NUP42: variants seen among roughly 807,000 people sequenced by gnomAD.
The protein encoded by NUP42 is nucleoporin NUP42.
Under a neutral mutation model 35.9 loss-of-function variants are expected in NUP42, and 47 were observed. That is an observed-to-expected ratio of 1.31 (90% CI 1.04 to 1.67). NUP42 has a LOEUF of 1.67. NUP42 is among the 40% of genes most tolerant of loss of function. The pLI is 0.00. For synonymous variants in NUP42, 173 were observed against 173.3 expected, an observed-to-expected ratio of 1.00 and a Z score of 0.01; for missense variants, 514 against 492.2, an observed-to-expected ratio of 1.04 and a Z score of -0.42.
intron 1 of NUP42, 96 bp from the exon 2 acceptor site, chr7:23,184,974 C>T (rs1249079240): frequency 3.9e-6 from 4 of 1,022,330 alleles, no homozygotes; most frequent in Admixed American, 2.5e-5. Context: ...CCACTGTACT[C>T]CACCCTGGGC....
At position 23,185,227 on chromosome 7, in the gene NUP42, A is replaced by T; in HGVS notation, c.279A>T (p.Glu93Asp). 1 of 1,614,142 alleles carries T rather than the reference A, an allele frequency of 6.2e-7. No homozygotes were observed. Among genetic ancestry groups the T allele is most frequent in the Admixed American group, 1.7e-5 (1 of 60,010 alleles). ...FDSGASTNRKEGFGLSENPFA... is the reference protein window; with the variant it reads ...FDSGASTNRKDGFGLSENPFA... ...CTGGAGCTTCAACTAACAGGAAGGA[A>T]GGCTTTGGATTGTCTGAGAACCCAT... The change falls in exon 2 of 7, where the codon GAA becomes GAT. Residue 93 changes from glutamate to aspartate, a missense_variant. Physicochemically the swap from Glu to Asp is conservative, Grantham distance 45 (BLOSUM62 2). Coordinates refer to ENST00000258742, the MANE Select transcript of NUP42 (RefSeq NM_007342.3).
intron 3 of NUP42, among the ~76,000 whole-genome samples, chr7:23,192,836 G>A (rs1728323): frequency 0.053 from 8,108 of 152,224 alleles, 281 homozygotes; most frequent in South Asian, 0.1. Flanking sequence ...TGTTCTATGT[G>A]TGTATATATG....
chr7:23,186,626 T>C (rs1321196615), intron 2 of NUP42, among the ~76,000 whole-genome samples: 2 of 152,232 alleles, frequency 1.3e-5, no homozygotes, highest in Non-Finnish European at 2.9e-5. Context: ...AGTTAAATGA[T>C]TATTGATGTT....
At chr7:23,184,104 G>T (rs1177657283) in intron 1 of NUP42, among the ~76,000 whole-genome samples, 1 of 152,140 alleles carries the variant, frequency 6.6e-6, no homozygotes, top group Non-Finnish European at 1.5e-5. Context: ...AATATATAAA[G>T]AGAGGAGAGA....
intron 1 of NUP42, 155 bp downstream of exon 1, chr7:23,182,361 G>T (rs866191154): frequency 7.0e-7 from 1 of 1,435,816 alleles, no homozygotes; most frequent in Non-Finnish European, 9.1e-7. Flanking sequence ...TTTTTAAACC[G>T]AGGGTTTTAT....
chr7:23,182,339 C>T (rs1361087646), intron 1 of NUP42, 133 bp downstream of exon 1: 2 of 1,455,508 alleles, frequency 1.4e-6, no homozygotes, highest in East Asian at 2.5e-5. Context: ...CCCTACTGGG[C>T]CCTGCACAAC....
intron 3 of NUP42, among the ~76,000 whole-genome samples, chr7:23,189,614 C>G (rs1269576880): frequency 6.6e-6 from 1 of 151,068 alleles, no homozygotes. Context: ...GACCCTGTCT[C>G]TTTAAAAAAT....
chr7:23,189,091 T>C (rs1785701124), intron 3 of NUP42, among the ~76,000 whole-genome samples: 1 of 152,236 alleles, frequency 6.6e-6, no homozygotes, highest in Admixed American at 6.5e-5. Context: ...TGAACAATCT[T>C]GTGTAATTGT....
At position 23,200,291 on chromosome 7, in the gene NUP42, C is replaced by T. The variant is rs756767732; in HGVS notation, c.818C>T (p.Ala273Val). 1.9e-6 allele frequency: 3 copies of T among 1,602,616 alleles called. No individual in the cohort carries two copies. The highest frequency in any genetic ancestry group is 2.2e-5 in the South Asian group (2 of 89,686). Residue 273 changes from alanine to valine, a missense_variant, in exon 7 of 7, where the codon GCT (alanine) becomes GTT (valine). Transcript: ENST00000258742. ...TTTGGGAGTTCCCCAGCATTTGGAG[C>T]TGCAGCCTCTACCAGTTCAGGTATC... ...AGFGSSPAFGAAASTSSGIST... is the reference protein window; with the variant it reads ...AGFGSSPAFGVAASTSSGIST...
chr7:23,182,191 C>T lies in NUP42; in HGVS notation c.106C>T (p.Gln36Ter). The T allele has an allele frequency of 1.2e-6, 2 of 1,611,974 alleles. No homozygotes were observed. The highest frequency in any genetic ancestry group is 1.7e-6 in the Non-Finnish European group (2 of 1,179,032). The stretch of plus-strand genomic sequence containing the variant: ...TGCAGGAGGAGGACGGCAGCAACCG[C>T]AGCAGCAGCCTTCAGGTGACTCTCC... ...RGAGGGRQQP[Q>*]QQPSGNNRRG... Residue 36 changes from glutamine to a stop codon, truncating the protein, a stop_gained, in exon 1 of 7, where the codon CAG becomes TAG. Coordinates refer to ENST00000258742, the MANE Select transcript of NUP42 (RefSeq NM_007342.3). LOFTEE classifies it high-confidence loss of function.
At chr7:23,184,076 A>T (rs374555378) in intron 1 of NUP42, among the ~76,000 whole-genome samples, 7 of 152,308 alleles carry the variant, frequency 4.6e-5, no homozygotes, top group Admixed American at 3.9e-4. Flanking sequence ...AAATGATTTT[A>T]AAAAACAAAA....
At chr7:23,185,988 C>T (rs1249566381) in intron 2 of NUP42, among the ~76,000 whole-genome samples, 1 of 152,172 alleles carries the variant, frequency 6.6e-6, no homozygotes, top group African/African-American at 2.4e-5. Context: ...GATCTGCCTG[C>T]CTCAGCCTCC....
At chr7:23,192,700 G>T (rs1393995122) in intron 3 of NUP42, among the ~76,000 whole-genome samples, 2 of 152,142 alleles carry the variant, frequency 1.3e-5, no homozygotes, top group Non-Finnish European at 2.9e-5. Context: ...GCTGTCTCAG[G>T]AGTGGCAGAG....
chr7:23,188,354 T>C (rs1031163636), intron 3 of NUP42: 14 of 1,113,490 alleles, frequency 1.3e-5, no homozygotes, highest in Non-Finnish European at 1.4e-5. Context: ...TCTTACATTC[T>C]TGAGGGAGGA....
rs751562765 is a variant in NUP42 at position 23,200,280 on chromosome 7, A to G, written c.807A>G (p.Pro269=). 6.2e-7 allele frequency: 1 copy of G among 1,602,902 alleles called. No individual in the cohort carries two copies. The highest frequency in any genetic ancestry group is 8.5e-7 in the Non-Finnish European group (1 of 1,172,988). The change falls in exon 7 of 7, where the codon CCA becomes CCG. Residue 269 remains proline, a synonymous_variant. Transcript: ENST00000258742. ...SGSPAGFGSS[P]AFGAAASTSS... ...GCCCTGCTGGTTTTGGGAGTTCCCC[A>G]GCATTTGGAGCTGCAGCCTCTACCA...
Position 23,185,108 on chromosome 7 carries a change from T to G in NUP42, c.160T>G (p.Tyr54Asp), listed in dbSNP as rs1171710868. 1.2e-6 allele frequency: 2 copies of G among 1,614,154 alleles called. No individual in the cohort carries two copies. Among genetic ancestry groups the G allele is most frequent in the Admixed American group, 1.7e-5 (1 of 60,030 alleles). The change falls in exon 2 of 7, where the codon TAT becomes GAT. Residue 54 changes from tyrosine (Y) to aspartate (D), a missense_variant. By Grantham distance (160) the Tyr-to-Asp change is radical. Coordinates refer to ENST00000258742, the MANE Select transcript of NUP42 (RefSeq NM_007342.3). ...TGGATGGAATACAACTAGCCAGAGA[T>G]ATTCCAATGTCATCCAGCCATCCAG... ...RRGWNTTSQR[Y>D]SNVIQPSSFS...
At position 23,182,186 on chromosome 7, in the gene NUP42, A is replaced by T. The variant is rs1785428355; in HGVS notation, c.101A>T (p.Gln34Leu). ...AGGGGTGCAGGAGGAGGACGGCAGC[A>T]ACCGCAGCAGCAGCCTTCAGGTGAC... ...GARGAGGGRQ[Q>L]PQQQPSGNNR... is the part of the protein sequence containing the mutation. The change falls in exon 1 of 7, where the codon CAA (glutamine) becomes CTA (leucine). Residue 34 changes from glutamine (Q) to leucine (L), a missense_variant. By Grantham distance (113) the Gln-to-Leu change is moderately radical. Transcript: ENST00000258742. 1 of 1,612,804 alleles carries T rather than the reference A, an allele frequency of 6.2e-7. No individual in the cohort carries two copies. The highest frequency in any genetic ancestry group is 8.5e-7 in the Non-Finnish European group (1 of 1,179,452).
At position 23,195,920 on chromosome 7, in the gene NUP42, G is replaced by A. The variant is rs1430751871; in HGVS notation, c.522+5G>A. ...AGCAATAACTTACAGAGTTATGTAA[G>A]TTTGTTTCCTATTAATCTACTGCAA... On this transcript the variant is annotated splice_donor_5th_base_variant and intron_variant, in intron 4 of 6. Coordinates refer to ENST00000258742, the MANE Select transcript of NUP42 (RefSeq NM_007342.3). 6.4e-7 allele frequency: 1 copy of A among 1,559,720 alleles called. No homozygotes were observed. The highest frequency in any genetic ancestry group is 8.8e-7 in the Non-Finnish European group (1 of 1,138,970).
At chr7:23,197,055 A>G in intron 5 of NUP42, 1 of 471,648 alleles carries the variant, frequency 2.1e-6, no homozygotes, top group East Asian at 6.2e-5. Flanking sequence ...AAGTTTAAGT[A>G]TTTAAGGTTA....
Sources: allele counts gnomAD v4.1 joint callset (sites outside exome capture counted in the v4.1 genomes callset), GRCh38; gene constraint gnomAD v4.1.1; transcripts MANE v1.5; gene names NCBI Gene and HGNC (gene_info 2026-07-23, HGNC 2026-07-21).